Variants in SRGAP3 observed in about 807,000 individuals in gnomAD.
SRGAP3 encodes the protein SLIT-ROBO Rho GTPase activating protein 3.
In SRGAP3, 39 loss-of-function variants were observed where a neutral mutation model predicts 121.1. The observed-to-expected ratio is 0.32, with a 90% confidence interval of 0.25 to 0.42. The LOEUF (loss-of-function observed/expected upper bound fraction) is 0.42, where lower values mean the gene tolerates loss of function less well. Among genes scored for constraint, SRGAP3 ranks in the 10% least tolerant of loss-of-function variants. The probability of loss-of-function intolerance (pLI) is 1.00; values close to 1 mark genes in which losing one functional copy is unlikely to be tolerated. For missense variants in SRGAP3, 1,213 were observed against 1,470.6 expected (o/e 0.82, Z 2.86); for synonymous variants, 601 against 570.0 (o/e 1.05, Z -0.77).
At chr3:9,228,890 G>T (rs555404110) in intron 1 of SRGAP3, among the ~76,000 whole-genome samples, 1 of 151,460 alleles carries the variant, frequency 6.6e-6, no homozygotes, top group African/African-American at 2.4e-5. Flanking sequence ...GTGAAACCCC[G>T]TCTCTACTAA....
At chr3:9,185,769 G>T (rs147694844) in intron 1 of SRGAP3, among the ~76,000 whole-genome samples, 2 of 151,930 alleles carry the variant, frequency 1.3e-5, no homozygotes, top group Non-Finnish European at 1.5e-5. Flanking sequence ...ACTCCTGGGC[G>T]TAAGTGATCC....
intron 1 of SRGAP3, among the ~76,000 whole-genome samples, chr3:9,246,150 G>T (rs1428420881): frequency 6.6e-6 from 1 of 152,106 alleles, no homozygotes; most frequent in Non-Finnish European, 1.5e-5. Context: ...TTTGTGTTAG[G>T]TCTATAAATT....
chr3:9,020,413 T>G (rs1325095459), intron 14 of SRGAP3, among the ~76,000 whole-genome samples: 1 of 152,080 alleles, frequency 6.6e-6, no homozygotes, highest in Non-Finnish European at 1.5e-5. Context: ...CCTTACCTCC[T>G]CAGCCTCCCT....
At chr3:9,206,885 C>T (rs369413621) in intron 1 of SRGAP3, among the ~76,000 whole-genome samples, 1 of 152,206 alleles carries the variant, frequency 6.6e-6, no homozygotes, top group Non-Finnish European at 1.5e-5. Context: ...GTCTGCCTCC[C>T]GCTCCTGAGG....
chr3:9,026,488 G>C (rs1944206718), intron 13 of SRGAP3, among the ~76,000 whole-genome samples: 1 of 152,172 alleles, frequency 6.6e-6, no homozygotes, highest in East Asian at 1.9e-4. Flanking sequence ...TGACACCATG[G>C]TTAACAAATC....
intron 1 of SRGAP3, among the ~76,000 whole-genome samples, chr3:9,341,509 A>G (rs2125290181): frequency 6.6e-6 from 1 of 152,272 alleles, no homozygotes. Context: ...AATACTGGAG[A>G]TCAGTATTCT....
chr3:9,208,406 C>A (rs562113990), intron 1 of SRGAP3, among the ~76,000 whole-genome samples: 2 of 152,310 alleles, frequency 1.3e-5, no homozygotes, highest in African/African-American at 4.8e-5. Context: ...GATCCAACTG[C>A]CAAGAGTCAG....
At chr3:9,228,231 C>G (rs1028425154) in intron 1 of SRGAP3, among the ~76,000 whole-genome samples, 1 of 152,052 alleles carries the variant, frequency 6.6e-6, no homozygotes, top group Non-Finnish European at 1.5e-5. Flanking sequence ...CATACCTTGT[C>G]TAAAAAAGGC....
In SRGAP3 at chr3:9,121,710, C is replaced by G. The variant is rs373814480; in HGVS notation, c.260+3015G>C. Among the ~76,000 whole-genome samples, 39 of 152,328 alleles carry G rather than the reference C, an allele frequency of 2.6e-4. 1 individual carries two copies. The East Asian group carries it at 3.1e-3, about 12-fold the overall frequency. ...GATACAAGGGAATAGGGTGCCCCCC[C>G]ATATCCACAATCCCTGCCTTTCTCC... On this transcript the variant is annotated intron_variant, in intron 2 of 21. Transcript: ENST00000383836.
intron 1 of SRGAP3, among the ~76,000 whole-genome samples, chr3:9,185,677 G>T (rs989556653): frequency 6.6e-6 from 1 of 151,956 alleles, no homozygotes; most frequent in South Asian, 2.1e-4. Flanking sequence ...GACTATAGGC[G>T]TGTGTCACTC....
At chr3:9,029,328 T>A (rs1382687005) in intron 12 of SRGAP3, among the ~76,000 whole-genome samples, 1 of 152,204 alleles carries the variant, frequency 6.6e-6, no homozygotes, top group Non-Finnish European at 1.5e-5. Context: ...GATTCTCCCC[T>A]TGTCCCAGAG....
At chr3:9,259,194 C>A (rs779020013) in intron 3 of SRGAP3, among the ~76,000 whole-genome samples, 8 of 134,910 alleles carry the variant, frequency 5.9e-5, no homozygotes, top group Non-Finnish European at 1.1e-4. Context: ...AACGACTACT[C>A]CAGCACATTT....
intron 6 of SRGAP3, 194 bp from the exon 7 acceptor site, chr3:9,058,666 G>A: frequency 1.7e-6 from 1 of 586,924 alleles, no homozygotes; most frequent in Non-Finnish European, 3.0e-6. Context: ...GTTGAGATTT[G>A]GGCAATAGCA....
intron 3 of SRGAP3, among the ~76,000 whole-genome samples, chr3:9,279,261 C>T (rs13080301): frequency 0.11 from 17,407 of 152,178 alleles, 1,286 homozygotes; most frequent in Non-Finnish European, 0.15. Flanking sequence ...GTGGGATAAG[C>T]CCCTCTAGAA....
intron 1 of SRGAP3, among the ~76,000 whole-genome samples, chr3:9,209,281 C>G (rs1472873895): frequency 6.6e-6 from 1 of 152,160 alleles, no homozygotes; most frequent in Non-Finnish European, 1.5e-5. Flanking sequence ...AAAAGATAAA[C>G]TGACAAATAA....
chr3:9,255,111 T>A (rs1954103862), intron 3 of SRGAP3, among the ~76,000 whole-genome samples: 1 of 152,200 alleles, frequency 6.6e-6, no homozygotes, highest in Non-Finnish European at 1.5e-5. Context: ...TGCCACTGAA[T>A]TGTACACTTT....
At chr3:9,267,452 C>G (rs1954387532) in intron 3 of SRGAP3, among the ~76,000 whole-genome samples, 2 of 152,160 alleles carry the variant, frequency 1.3e-5, no homozygotes, top group Non-Finnish European at 2.9e-5. Context: ...GGGGTCTGTT[C>G]TGGATGCCGT....
chr3:9,049,587 TG>T (rs1945461127), intron 9 of SRGAP3: 2 of 436,300 alleles, frequency 4.6e-6, no homozygotes, highest in Non-Finnish European at 9.2e-6. Flanking sequence ...GTAGACTCAG[TG>T]TTTCTCCAAG....
intron 1 of SRGAP3, among the ~76,000 whole-genome samples, chr3:9,126,744 T>TTTCC (rs762213184): frequency 5.4e-5 from 8 of 147,362 alleles, no homozygotes; most frequent in Non-Finnish European, 1.2e-4. Flanking sequence ...ATGTACAGTG[T>TTTCC]GGAATGCTAG....
Sources: gnomAD v4.1 joint callset for allele counts (sites outside exome capture counted in the v4.1 genomes callset) on GRCh38, gnomAD v4.1.1 for gene constraint, MANE v1.5 for transcripts, NCBI Gene and HGNC (gene_info 2026-07-23, HGNC 2026-07-21) for gene names.